Variants in KCNQ1 observed in about 807,000 individuals in gnomAD.
KCNQ1 encodes the protein potassium voltage-gated channel subfamily KQT member 1.
A neutral mutation model predicts 72.4 loss-of-function variants in KCNQ1; 49 were observed. The observed-to-expected ratio is 0.68, with a 90% CI of 0.54 to 0.86. The LOEUF (loss-of-function observed/expected upper bound fraction) is 0.86. Among genes scored for constraint, KCNQ1 ranks in the 40% least tolerant of loss-of-function variants. KCNQ1 has a pLI of 0.00. For missense variants in KCNQ1, 790 were observed against 945.1 expected (o/e 0.84, Z 2.15); for synonymous variants, 450 against 412.6 (o/e 1.09, Z -1.10).
In KCNQ1 at chr11:2,652,344, C is replaced by T. The variant is rs184744391; in HGVS notation, c.1394-9617C>T. The T allele has an allele frequency of 4.2e-4, 169 of 398,618 alleles. No individual in the cohort carries two copies. The highest frequency in any genetic ancestry group is 2.9e-3 in the African/African-American group (142 of 48,740). The allele number at this position is 398,618 out of a possible 1,614,324, so 24.7% of individuals were successfully genotyped here. ...GTGAAGTTAAGAACTGGCACATTTC[C>T]GCGATGTTGTGATGAAGGTGAAAAG... On this transcript the variant is annotated intron_variant, in intron 10 of 15. Transcript: ENST00000155840. This position sits in a 1 kb window ranked among gnomAD's most constrained non-coding sequence, Gnocchi z 5.9.
chr11:2,797,870 C>A (rs1253111114), intron 15 of KCNQ1, among the ~76,000 whole-genome samples: 4 of 152,064 alleles, frequency 2.6e-5, no homozygotes, highest in Admixed American at 1.3e-4. Context: ...GGGGATACCT[C>A]TTCCCTTTGG....
chr11:2,565,798 C>T lies in KCNQ1; in HGVS notation c.478-4830C>T, dbSNP rs111929015. Among the ~76,000 whole-genome samples, 6 of 152,202 alleles carry T rather than the reference C, an allele frequency of 3.9e-5. No individual in the cohort carries two copies. Among genetic ancestry groups the T allele is most frequent in the East Asian group, 1.9e-4 (1 of 5,190 alleles). ...TCACATGTCTTTTCTGTTGTTTCTG[C>T]GAAGGTGTCTCAGGGAGGGGCAGAA... On this transcript the variant is annotated intron_variant, in intron 2 of 15. Transcript: ENST00000155840. This position sits in a 1 kb window ranked among gnomAD's most constrained non-coding sequence, Gnocchi z 5.6.
chr11:2,641,285 A>G (rs1197824403), intron 10 of KCNQ1: 4 of 398,372 alleles, frequency 1.0e-5, no homozygotes, highest in Middle Eastern at 6.2e-4. Flanking sequence ...AACAGTGTAT[A>G]AGAGTTCCCT....
chr11:2,556,544 G>C (rs568054208), intron 2 of KCNQ1, among the ~76,000 whole-genome samples: 1 of 152,160 alleles, frequency 6.6e-6, no homozygotes, highest in Non-Finnish European at 1.5e-5. Flanking sequence ...TTGTCTGCTG[G>C]AGTTGTTGCA....
At chr11:2,796,040 T>A (rs1847121995) in intron 15 of KCNQ1, among the ~76,000 whole-genome samples, 1 of 152,124 alleles carries the variant, frequency 6.6e-6, no homozygotes, top group Admixed American at 6.5e-5. Flanking sequence ...GATGACGTTT[T>A]CTTGAACCCA....
At chr11:2,582,890 G>A (rs1038940180) in intron 6 of KCNQ1, among the ~76,000 whole-genome samples, 8 of 152,122 alleles carry the variant, frequency 5.3e-5, no homozygotes, top group South Asian at 2.1e-4. Context: ...CCCACCACAC[G>A]TCCTGGACGG....
At chr11:2,705,449 T>C (rs1850892197) in intron 11 of KCNQ1, among the ~76,000 whole-genome samples, 1 of 152,070 alleles carries the variant, frequency 6.6e-6, no homozygotes, top group Non-Finnish European at 1.5e-5. Flanking sequence ...CCTGAGCACC[T>C]GCTTGGGGCC....
chr11:2,652,185 G>A lies in KCNQ1; in HGVS notation c.1394-9776G>A, dbSNP rs1321426669. The stretch of plus-strand genomic sequence containing the variant: ...GCCTGGGGGTGGGGCCCCAGCAGAT[G>A]TCTGGATTTGGTAGCCAGGGCCTGG... On this transcript the variant is annotated intron_variant, in intron 10 of 15. Transcript: ENST00000155840. This position sits in a 1 kb window ranked among gnomAD's most constrained non-coding sequence, Gnocchi z 5.9. The A allele has an allele frequency of 1.5e-5, 6 of 398,534 alleles. No individual in the cohort carries two copies. The highest frequency in any genetic ancestry group is 2.7e-5 in the Non-Finnish European group (6 of 226,130). The allele number at this position is 398,534 out of a possible 1,614,324, so 24.7% of individuals were successfully genotyped here.
At chr11:2,532,176 A>G (rs1457033121) in intron 2 of KCNQ1, among the ~76,000 whole-genome samples, 1 of 151,990 alleles carries the variant, frequency 6.6e-6, no homozygotes, top group African/African-American at 2.4e-5. Context: ...GGGCTCTGGG[A>G]GGCTCACAAG....
At chr11:2,821,453 A>C (rs1311398995) in intron 15 of KCNQ1, among the ~76,000 whole-genome samples, 1 of 152,110 alleles carries the variant, frequency 6.6e-6, no homozygotes, top group Non-Finnish European at 1.5e-5. Context: ...TGGCTGAGGG[A>C]GTCTGGGGAC....
intron 15 of KCNQ1, among the ~76,000 whole-genome samples, chr11:2,791,676 C>T (rs1370106358): frequency 1.4e-5 from 2 of 141,262 alleles, no homozygotes; most frequent in African/African-American, 5.1e-5. Context: ...CGAGGTTGTG[C>T]GGGGGCTTGG....
chr11:2,551,272 C>G (rs1478823112), intron 2 of KCNQ1, among the ~76,000 whole-genome samples: 3 of 152,194 alleles, frequency 2.0e-5, no homozygotes, highest in African/African-American at 7.2e-5. Context: ...TGGCGGCTAG[C>G]CCCTCCCCGC....
Position 2,759,933 on chromosome 11 carries a change from C to T in KCNQ1, c.1515-8911C>T, listed in dbSNP as rs1477734234. On this transcript the variant is annotated intron_variant, in intron 11 of 15. Coordinates refer to ENST00000155840, the MANE Select transcript of KCNQ1 (RefSeq NM_000218.3). The surrounding 1 kb of genome is among the most constrained non-coding windows in gnomAD (Gnocchi z 4.4). ...CCCACATGCCAGCCCCTACCCTGGG[C>T]CTCAGGATCTGCCTGGATGGAGGCC... Among the ~76,000 whole-genome samples, 1 of 152,236 alleles carries T rather than the reference C, an allele frequency of 6.6e-6. No homozygotes were observed.
chr11:2,482,023 G>A lies in KCNQ1; in HGVS notation c.386+36539G>A, dbSNP rs1297043999. 6.6e-6 allele frequency among the ~76,000 whole-genome samples: 1 copy of A among 152,108 alleles called. No homozygotes were observed. The stretch of plus-strand genomic sequence containing the variant: ...AAAAAGGTTGGGGACCACGGCCATC[G>A]GCTGTTTGCTTTATGAATTTGTGCC... On this transcript the variant is annotated intron_variant, in intron 1 of 15. Transcript: ENST00000155840. This position sits in a 1 kb window ranked among gnomAD's most constrained non-coding sequence, Gnocchi z 5.7.
chr11:2,833,637 C>T (rs1406464314), intron 15 of KCNQ1, among the ~76,000 whole-genome samples: 2 of 152,208 alleles, frequency 1.3e-5, no homozygotes, highest in Non-Finnish European at 2.9e-5. Flanking sequence ...CCATTTGCAG[C>T]CCCTGTCTTG....
Position 2,762,360 on chromosome 11 carries a change from T to C in KCNQ1, c.1515-6484T>C, listed in dbSNP as rs1846414962. On this transcript the variant is annotated intron_variant, in intron 11 of 15. Coordinates refer to ENST00000155840, the MANE Select transcript of KCNQ1 (RefSeq NM_000218.3). The surrounding 1 kb of genome is among the most constrained non-coding windows in gnomAD (Gnocchi z 4.3). ...ATTGCCTCATAGTTAGGCCTGTGAC[T>C]CTCCCTGGGTTAACTTTGTGACCGG... is the stretch of plus-strand genomic sequence containing the variant. Among the ~76,000 whole-genome samples, 1 of 152,206 alleles carries C rather than the reference T, an allele frequency of 6.6e-6. No homozygotes were observed. The highest frequency in any genetic ancestry group is 6.5e-5 in the Admixed American group (1 of 15,284).
intron 10 of KCNQ1, chr11:2,636,826 T>TG (rs1849476038): frequency 1.3e-5 from 2 of 152,214 alleles, no homozygotes; most frequent in Admixed American, 1.3e-4. Flanking sequence ...GGACTTTTTT[T>TG]GGTTGGTAGA....
chr11:2,714,394 G>A (rs910071742), intron 11 of KCNQ1, among the ~76,000 whole-genome samples: 2 of 152,226 alleles, frequency 1.3e-5, no homozygotes, highest in African/African-American at 4.8e-5. Context: ...GGCTCCCGGG[G>A]TAGGGCTAAG....
Position 2,493,313 on chromosome 11 carries a change from T to A in KCNQ1, c.387-34615T>A, listed in dbSNP as rs146252608. Reference sequence around the variant, plus strand: ...CATTCTGTAGGTTGCCTATTCACTCTGATGCTAGCTTCTTTTACTGTGCAG... The same window carrying A: ...CATTCTGTAGGTTGCCTATTCACTCAGATGCTAGCTTCTTTTACTGTGCAG... On this transcript the variant is annotated intron_variant, in intron 1 of 15. Coordinates refer to ENST00000155840, the MANE Select transcript of KCNQ1 (RefSeq NM_000218.3). This position sits in a 1 kb window ranked among gnomAD's most constrained non-coding sequence, Gnocchi z 5.3. Among the ~76,000 whole-genome samples, 161 of 152,332 alleles carry A rather than the reference T, an allele frequency of 1.1e-3. 4 individuals are homozygous for A. The East Asian group carries it at 0.018, about 17-fold the overall frequency.
Sources: allele counts gnomAD v4.1 joint callset (sites outside exome capture counted in the v4.1 genomes callset), GRCh38; gene constraint gnomAD v4.1.1; non-coding constraint Gnocchi (gnomAD v3.1); transcripts MANE v1.5; gene names NCBI Gene and HGNC (gene_info 2026-07-23, HGNC 2026-07-21).